Variants in RC3H2 observed in about 807,000 individuals in gnomAD.
RC3H2 encodes the protein roquin-2.
RC3H2 carries 31 observed loss-of-function variants against 133.3 expected under a neutral mutation model. That is an observed-to-expected ratio of 0.23 (90% confidence interval 0.17 to 0.31). RC3H2 has a LOEUF of 0.31. Among genes scored for constraint, RC3H2 ranks in the 10% least tolerant of loss-of-function variants. RC3H2 has a pLI of 1.00. For synonymous variants in RC3H2, 517 were observed against 502.2 expected (o/e 1.03, Z -0.40); for missense variants, 1,175 against 1,437.2 (o/e 0.82, Z 2.95).
At chr9:122,905,012 G>T in intron 1 of RC3H2, 98 bp downstream of exon 1, 1 of 858,616 alleles carries the variant, frequency 1.2e-6, no homozygotes, top group Non-Finnish European at 1.4e-6. Flanking sequence ...GGGCGACAGC[G>T]CACAGGCCCC....
At chr9:122,889,842 T>C (rs758232557) in intron 4 of RC3H2, among the ~76,000 whole-genome samples, 7 of 152,184 alleles carry the variant, frequency 4.6e-5, no homozygotes, top group Non-Finnish European at 7.4e-5. Context: ...TTAAGATTAA[T>C]AAAAACGGAT....
At chr9:122,884,354 G>A (rs1265389754) in intron 4 of RC3H2, among the ~76,000 whole-genome samples, 1 of 152,074 alleles carries the variant, frequency 6.6e-6, no homozygotes, top group Non-Finnish European at 1.5e-5. Context: ...CCCACAGTAG[G>A]CTTATAATAA....
chr9:122,885,169 G>C (rs916036974), intron 4 of RC3H2, among the ~76,000 whole-genome samples: 1 of 152,016 alleles, frequency 6.6e-6, no homozygotes, highest in African/African-American at 2.4e-5. Flanking sequence ...TTGTTTTTAG[G>C]AAAACTAAAT....
chr9:122,877,551 C>G lies in RC3H2; in HGVS notation c.1245G>C (p.Met415Ile). 1.9e-6 allele frequency: 3 copies of G among 1,614,190 alleles called. No homozygotes were observed. Residue 415 changes from methionine to isoleucine, a missense_variant, in exon 9 of 21, where the codon ATG (methionine) becomes ATC (isoleucine). By Grantham distance (10) the Met-to-Ile change is conservative. Around this residue, in one of 8 missense-constraint regions of RC3H2, gnomAD observed 131 missense variants for 154.2 expected, o/e 0.85. Transcript: ENST00000357244. ...PQPNSKYKTSMCRDLRQQGGC... is the reference protein window; with the variant it reads ...PQPNSKYKTSICRDLRQQGGC... ...CCCCTTGCTGTCGCAAATCTCGGCA[C>G]ATGCTAGTCTTGTATTTGCTGTTTG...
chr9:122,882,570 C>G (rs993632364), intron 5 of RC3H2, among the ~76,000 whole-genome samples: 1 of 152,238 alleles, frequency 6.6e-6, no homozygotes, highest in African/African-American at 2.4e-5. Context: ...GCAACCTACA[C>G]TCTTGGATCA....
At chr9:122,897,239 T>C in intron 2 of RC3H2, 40 bp downstream of exon 2, 2 of 1,590,368 alleles carry the variant, frequency 1.3e-6, no homozygotes, top group Non-Finnish European at 1.7e-6. Context: ...AAATAGTGAT[T>C]ATTTTTGCAC....
At chr9:122,875,869 G>C (rs371479233) in intron 9 of RC3H2, among the ~76,000 whole-genome samples, 2 of 152,296 alleles carry the variant, frequency 1.3e-5, no homozygotes, top group African/African-American at 4.8e-5. Flanking sequence ...GGGTCTTAGA[G>C]GCCACAACAT....
chr9:122,863,748 T>A (rs1164770120), intron 10 of RC3H2, among the ~76,000 whole-genome samples: 1 of 152,192 alleles, frequency 6.6e-6, no homozygotes, highest in East Asian at 1.9e-4. Flanking sequence ...AGTCCTTTTT[T>A]TTTTTGAGAT....
intron 9 of RC3H2, among the ~76,000 whole-genome samples, chr9:122,869,228 GA>G (rs764254793): frequency 1.3e-5 from 2 of 151,950 alleles, no homozygotes; most frequent in South Asian, 4.2e-4. Flanking sequence ...TTAAAGCGGT[GA>G]AAAATTAAGT....
In RC3H2 at chr9:122,865,403, A is replaced by G; in HGVS notation, c.1580T>C (p.Val527Ala). 6.2e-7 allele frequency: 1 copy of G among 1,614,090 alleles called. No individual in the cohort carries two copies. The highest frequency in any genetic ancestry group is 1.1e-5 in the South Asian group (1 of 91,080). The part of the protein sequence containing the change: ...ALETVKKVGK[V>A]GANGQNAAGP... ...AGCAGCATTCTGACCATTAGCGCCA[A>G]CCTTTCCCACTTTCTTCACGGTCTC... is the stretch of plus-strand genomic sequence containing the variant. The change falls in exon 10 of 21, where the codon GTT (valine) becomes GCT (alanine). Residue 527 changes from valine (V) to alanine (A), a missense_variant. Coordinates refer to ENST00000357244, the MANE Select transcript of RC3H2 (RefSeq NM_001100588.3).
At chr9:122,873,545 C>T (rs1831195067) in intron 9 of RC3H2, among the ~76,000 whole-genome samples, 1 of 151,766 alleles carries the variant, frequency 6.6e-6, no homozygotes, top group Non-Finnish European at 1.5e-5. Context: ...CCCATCTCTA[C>T]AAAAAATATA....
Position 122,886,236 on chromosome 9 carries a change from T to C in RC3H2, c.584-2857A>G, listed in dbSNP as rs576299338. Among the ~76,000 whole-genome samples the C allele has an allele frequency of 3.9e-4, 59 of 152,308 alleles. 1 individual carries two copies. In the South Asian group the frequency reaches 4.2e-3, roughly 11 times the overall value. On this transcript the variant is annotated intron_variant, in intron 4 of 20. Coordinates refer to ENST00000357244, the MANE Select transcript of RC3H2 (RefSeq NM_001100588.3). ...CATCCACATGCAGCATGTATCAGTA[T>C]TTATTCCTTTTATGGCTGAGGAATA...
At chr9:122,855,988 T>C in intron 13 of RC3H2, 110 bp from the exon 14 acceptor site, 3 of 772,406 alleles carry the variant, frequency 3.9e-6, no homozygotes, top group African/African-American at 1.7e-5. Flanking sequence ...TAGCAAACAA[T>C]TATACTTTTT....
intron 10 of RC3H2, among the ~76,000 whole-genome samples, chr9:122,862,568 T>C (rs1830496883): frequency 6.6e-6 from 1 of 152,162 alleles, no homozygotes; most frequent in South Asian, 2.1e-4. Context: ...CTGGAACAAC[T>C]GTGTTCCAAT....
chr9:122,877,576 G>A lies in RC3H2; in HGVS notation c.1220C>T (p.Pro407Leu). Reference sequence around the variant, plus strand: ...CATGCTAGTCTTGTATTTGCTGTTTGGCTGAGGCTACAAAAATGGGAACAC... The same window carrying A: ...CATGCTAGTCTTGTATTTGCTGTTTAGCTGAGGCTACAAAAATGGGAACAC... ...RKGHETPQPQ[P>L]NSKYKTSMCR... Residue 407 changes from proline (P) to leucine (L), a missense_variant, in exon 9 of 21, where the codon CCA becomes CTA. This residue lies in a region of RC3H2 where 131 missense variants were observed against 154.2 expected (regional missense o/e 0.85). Coordinates refer to ENST00000357244, the MANE Select transcript of RC3H2 (RefSeq NM_001100588.3). 6.2e-7 allele frequency: 1 copy of A among 1,613,832 alleles called. No individual in the cohort carries two copies. The highest frequency in any genetic ancestry group is 8.5e-7 in the Non-Finnish European group (1 of 1,179,804).
In RC3H2 at chr9:122,846,209, T is replaced by A. The variant is rs1829864952; in HGVS notation, c.*3418A>T. On this transcript the variant is annotated 3_prime_UTR_variant, in exon 21 of 21. Coordinates refer to ENST00000357244, the MANE Select transcript of RC3H2 (RefSeq NM_001100588.3). The stretch of plus-strand genomic sequence containing the variant: ...TTATATACTTAACCTCAAATTGAAA[T>A]CTGAAAGTGACTAGATCCATACAAA... 1 of 152,194 alleles carries A rather than the reference T, an allele frequency of 6.6e-6. No individual in the cohort carries two copies. The highest frequency in any genetic ancestry group is 2.1e-4 in the South Asian group (1 of 4,830). The allele number at this position is 152,194 out of a possible 1,614,324, so 9.4% of individuals were successfully genotyped here.
intron 9 of RC3H2, among the ~76,000 whole-genome samples, chr9:122,866,059 A>G (rs1830635012): frequency 6.6e-6 from 1 of 152,336 alleles, no homozygotes; most frequent in Middle Eastern, 3.4e-3. Flanking sequence ...GAGAACACAG[A>G]GTAAAGAGAA....
intron 11 of RC3H2, among the ~76,000 whole-genome samples, chr9:122,859,451 A>G (rs574796250): frequency 5.3e-5 from 8 of 152,164 alleles, no homozygotes; most frequent in Non-Finnish European, 1.0e-4. Context: ...ACACTTTGCT[A>G]AAGTGCTCCT....
At position 122,858,653 on chromosome 9, in the gene RC3H2, T is replaced by C. The variant is rs1414559921; in HGVS notation, c.2283+16A>G. ...TGGGCTGTTAATGACTACATTATAG[T>C]AGCATCTTCACTTACCCTTGGTAAA... On this transcript the variant is annotated intron_variant, in intron 12 of 20. Transcript: ENST00000357244. 5 of 1,596,554 alleles carry C rather than the reference T, an allele frequency of 3.1e-6. No homozygotes were observed. In the South Asian group the frequency reaches 4.4e-5, roughly 14 times the overall value.
Sources: allele counts gnomAD v4.1 joint callset (sites outside exome capture counted in the v4.1 genomes callset), GRCh38; gene constraint gnomAD v4.1.1; regional missense constraint gnomAD v4.1.1; transcripts MANE v1.5; gene names NCBI Gene and HGNC (gene_info 2026-07-23, HGNC 2026-07-21).